Variants in ATG2B observed in about 807,000 individuals in gnomAD.
The protein encoded by ATG2B is autophagy-related protein 2 homolog B.
Under a neutral mutation model 241.3 loss-of-function variants are expected in ATG2B, and 121 were observed. That is an observed-to-expected ratio of 0.50 (90% CI 0.43 to 0.58). ATG2B has a LOEUF of 0.58. ATG2B is among the 20% of genes least tolerant of loss of function. ATG2B has a pLI of 0.00. For synonymous variants in ATG2B, 858 were observed against 876.6 expected (o/e 0.98, Z 0.37); for missense variants, 2,306 against 2,491.6 (o/e 0.93, Z 1.59).
At position 96,317,679 on chromosome 14, in the gene ATG2B, CA is replaced by C; in HGVS notation, c.3037+18del. The C allele has an allele frequency of 6.5e-7, 1 of 1,546,622 alleles. No homozygotes were observed. Among genetic ancestry groups the C allele is most frequent in the African/African-American group, 1.4e-5 (1 of 72,904 alleles). On this transcript the variant is annotated intron_variant, in intron 19 of 41. Transcript: ENST00000359933. Reference sequence around the variant, plus strand: ...ATAAACTAGGCATTTTAAATCAAAACAAATTAAAAATATATTACCATAGTGA... The same window carrying C: ...ATAAACTAGGCATTTTAAATCAAAACAATTAAAAATATATTACCATAGTGA...
Position 96,344,688 on chromosome 14 carries a change from T to G in ATG2B, c.547A>C (p.Lys183Gln), listed in dbSNP as rs1352719791. The G allele has an allele frequency of 6.2e-7, 1 of 1,606,850 alleles. No individual in the cohort carries two copies. Among genetic ancestry groups the G allele is most frequent in the South Asian group, 1.1e-5 (1 of 89,906 alleles). The change falls in exon 4 of 42, where the codon AAA (lysine) becomes CAA (glutamine). Residue 183 changes from lysine (K) to glutamine (Q), a missense_variant. By Grantham distance (53) the Lys-to-Gln change is moderately conservative. Transcript: ENST00000359933. ...LRIEHVPENS[K>Q]TGTALEIRIE... ...CGAATTTCAAGTGCAGTTCCAGTTT[T>G]GGAATTTTCTGGCACATGTTCAATT...
rs747662364 is a variant in ATG2B, at chr14:96,333,808, C to T, written c.1087G>A (p.Glu363Lys). ...TTTAATTCCATCTGAATTCGATACT[C>T]GTCTTCCTGCTGCATGGGTCGATTT... ...RKNRPMQQEDEYRIQMELNRY... is the reference protein window; with the variant it reads ...RKNRPMQQEDKYRIQMELNRY... Residue 363 changes from glutamate (E) to lysine (K), a missense_variant, in exon 8 of 42, where the codon GAG (glutamate) becomes AAG (lysine). By Grantham distance (56) the Glu-to-Lys change is moderately conservative. Transcript: ENST00000359933. 8.7e-6 allele frequency: 14 copies of T among 1,613,766 alleles called. No homozygotes were observed. The highest frequency in any genetic ancestry group is 5.0e-5 in the Admixed American group (3 of 59,964).
At chr14:96,310,965 A>G in intron 28 of ATG2B, 152 bp downstream of exon 28, 2 of 601,902 alleles carry the variant, frequency 3.3e-6, no homozygotes, top group South Asian at 5.3e-5. Flanking sequence ...GGCCCATGAA[A>G]CCACCGTTTC....
rs1489196409 is a variant in ATG2B at position 96,312,116 on chromosome 14, T to A, written c.3886A>T (p.Asn1296Tyr). The A allele has an allele frequency of 5.6e-6, 9 of 1,603,878 alleles. No individual in the cohort carries two copies. The highest frequency in any genetic ancestry group is 7.6e-6 in the Non-Finnish European group (9 of 1,177,082). Reference protein sequence around the residue: ...EAALHLSDKCNTVTINLSRDY... With the variant: ...EAALHLSDKCYTVTINLSRDY... ...CTACTCAGATTTATAGTGACAGTATTGCATTTGTCAGATAGATGTAAAGCA... is the reference window on the plus strand; with the variant it reads ...CTACTCAGATTTATAGTGACAGTATAGCATTTGTCAGATAGATGTAAAGCA... The change falls in exon 26 of 42, where the codon AAT becomes TAT. Residue 1296 changes from asparagine to tyrosine, a missense_variant. Transcript: ENST00000359933.
Position 96,291,675 on chromosome 14 carries a change from A to AGCG in ATG2B, c.5501_5503dup (p.Thr1834_Leu1835insPro). 1 of 1,604,316 alleles carries AGCG rather than the reference A, an allele frequency of 6.2e-7. No individual in the cohort carries two copies. Among genetic ancestry groups the AGCG allele is most frequent in the South Asian group, 1.1e-5 (1 of 89,362 alleles). On this transcript the variant is annotated inframe_insertion, in exon 38 of 42. Coordinates refer to ENST00000359933, the MANE Select transcript of ATG2B (RefSeq NM_018036.7). The stretch of plus-strand genomic sequence containing the variant: ...AGCCAGACCAATCAAAATCCCAGCT[A>AGCG]GCGTACCCTTCAAAATTAAAAAAGG...
rs963227126 is a variant in ATG2B at position 96,284,079 on chromosome 14, T to C, written c.*1676A>G. The stretch of plus-strand genomic sequence containing the variant: ...ATCAAGTGTTTTCCAGTTTGACTAA[T>C]CATAACTGGGTTAACACACATAGCA... On this transcript the variant is annotated 3_prime_UTR_variant, in exon 42 of 42. Transcript: ENST00000359933. The C allele has an allele frequency of 2.6e-5, 4 of 152,208 alleles. No homozygotes were observed. The highest frequency in any genetic ancestry group is 1.9e-4 in the East Asian group (1 of 5,202). The allele number at this position is 152,208 out of a possible 1,614,324, so 9.4% of individuals were successfully genotyped here.
At chr14:96,305,510 A>G in intron 31 of ATG2B, 79 bp downstream of exon 31, 1 of 963,790 alleles carries the variant, frequency 1.0e-6, no homozygotes, top group South Asian at 1.8e-5. Context: ...TTCTCTCTAA[A>G]GGGGAAATGG....
intron 1 of ATG2B, among the ~76,000 whole-genome samples, chr14:96,362,607 TAA>T (rs2139918402): frequency 6.6e-6 from 1 of 152,234 alleles, no homozygotes; most frequent in African/African-American, 2.4e-5. Context: ...TTACATCTGT[TAA>T]AGTTTCCGGA....
intron 3 of ATG2B, 44 bp from the exon 4 acceptor site, chr14:96,344,800 G>T: frequency 3.5e-6 from 3 of 860,482 alleles, no homozygotes; most frequent in South Asian, 2.1e-5. Context: ...CCACATATAT[G>T]CTAAATAAAA....
intron 13 of ATG2B, 43 bp downstream of exon 13, chr14:96,328,631 G>A (rs1887648754): frequency 1.3e-6 from 2 of 1,559,786 alleles, no homozygotes; most frequent in African/African-American, 1.4e-5. Flanking sequence ...ATATATATCA[G>A]ATTAAAATTT....
chr14:96,308,385 G>A (rs1306844361), intron 29 of ATG2B, among the ~76,000 whole-genome samples: 4 of 143,072 alleles, frequency 2.8e-5, no homozygotes, highest in Non-Finnish European at 4.5e-5. Flanking sequence ...CCTGGGCTCA[G>A]GTGATCCTCC....
chr14:96,326,545 C>T (rs1887592571), intron 14 of ATG2B, among the ~76,000 whole-genome samples: 1 of 152,106 alleles, frequency 6.6e-6, no homozygotes, highest in African/African-American at 2.4e-5. Flanking sequence ...CCAAAGCCAT[C>T]TTACAATAAA....
Position 96,316,096 on chromosome 14 carries a change from G to C in ATG2B, c.3361+437C>G, listed in dbSNP as rs980566779. Among the ~76,000 whole-genome samples, 16 of 152,176 alleles carry C rather than the reference G, an allele frequency of 1.1e-4. No individual in the cohort carries two copies. In the South Asian group the frequency reaches 1.2e-3, roughly 12 times the overall value. ...AAGCCAGTCAAAAAGGCCAAATATT[G>C]TATGATTCCATTTATAAGAAACTTC... On this transcript the variant is annotated intron_variant, in intron 21 of 41. Transcript: ENST00000359933.
rs1887045864 is a variant in ATG2B at position 96,308,270 on chromosome 14, A to ATATATG, written c.4303+1182_4303+1183insCATATA. On this transcript the variant is annotated intron_variant, in intron 29 of 41. Transcript: ENST00000359933. ...TATATATACACACATATATATATATATATATATATATATTTTTTTTTTTTT... is the reference window on the plus strand; with the variant it reads ...TATATATACACACATATATATATATATATATGTATATATATATATTTTTTTTTTTTT... Among the ~76,000 whole-genome samples the ATATATG allele has an allele frequency of 2.6e-3, 73 of 27,890 alleles. 1 individual carries two copies. The highest frequency in any genetic ancestry group is 0.033 in the Middle Eastern group (1 of 30). 18.3% of individuals were successfully genotyped at this position (27,890 alleles called of 152,430 possible).
At chr14:96,360,197 C>A (rs1400348291) in intron 1 of ATG2B, among the ~76,000 whole-genome samples, 2 of 152,342 alleles carry the variant, frequency 1.3e-5, no homozygotes, top group East Asian at 1.9e-4. Context: ...TCCTTTTACA[C>A]AGAGAAGAAT....
chr14:96,356,562 T>C (rs1888481191), intron 1 of ATG2B, among the ~76,000 whole-genome samples: 1 of 152,180 alleles, frequency 6.6e-6, no homozygotes, highest in African/African-American at 2.4e-5. Context: ...ATTCCTTTAG[T>C]GCAAGTATTT....
Position 96,347,294 on chromosome 14 carries a change from A to G in ATG2B, c.210T>C (p.Thr70=). 6.2e-7 allele frequency: 1 copy of G among 1,610,960 alleles called. No homozygotes were observed. ...LESADAPLEV[T]EGFIQSISLS... ...GGGAAATTGACTGAATGAATCCTTC[A>G]GTGACTTCTAAGGGTGCATCTGCTG... The change falls in exon 2 of 42, where the codon ACT becomes ACC. Residue 70 remains threonine (T), a synonymous_variant. Transcript: ENST00000359933.
In ATG2B at chr14:96,362,825, A is replaced by C. The variant is rs780072176; in HGVS notation, c.152T>G (p.Leu51Trp). 1.2e-6 allele frequency: 2 copies of C among 1,607,650 alleles called. No homozygotes were observed. The highest frequency in any genetic ancestry group is 2.7e-5 in the African/African-American group (2 of 74,730). Residue 51 changes from leucine (L) to tryptophan (W), a missense_variant, in exon 1 of 42, where the codon TTG becomes TGG. Physicochemically the swap from Leu to Trp is moderately conservative, Grantham distance 61 (BLOSUM62 -2). Transcript: ENST00000359933. ...QGTGSLAQVPLDKWCLNEILE... is the reference protein window; with the variant it reads ...QGTGSLAQVPWDKWCLNEILE... ...GCCGGCAGCTCTTACCCATTTGTCCAAGGGGACCTGGGCGAGGGACCCGGT... is the reference window on the plus strand; with the variant it reads ...GCCGGCAGCTCTTACCCATTTGTCCCAGGGGACCTGGGCGAGGGACCCGGT...
chr14:96,357,499 T>C (rs1043087327), intron 1 of ATG2B, among the ~76,000 whole-genome samples: 3 of 152,002 alleles, frequency 2.0e-5, no homozygotes, highest in African/African-American at 7.2e-5. Flanking sequence ...TAAAGCCCCC[T>C]CAAAAATCAA....
Sources: gnomAD v4.1 joint callset for allele counts (sites outside exome capture counted in the v4.1 genomes callset) on GRCh38, gnomAD v4.1.1 for gene constraint, MANE v1.5 for transcripts, NCBI Gene and HGNC (gene_info 2026-07-23, HGNC 2026-07-21) for gene names.